The following UCHL3 variants were observed in gnomAD, a reference collection of about 807,000 sequenced individuals.
The protein encoded by UCHL3 is ubiquitin carboxyl-terminal hydrolase isozyme L3.
A neutral mutation model predicts 35.8 loss-of-function variants in UCHL3; 22 were observed. The observed-to-expected ratio is 0.61, with a 90% CI of 0.44 to 0.88. UCHL3 has a LOEUF of 0.88. Ranked by LOEUF, UCHL3 falls within the 40% of genes least tolerant of loss-of-function variation. UCHL3 has a pLI of 0.00. For missense variants in UCHL3, 229 were observed against 276.9 expected, an observed-to-expected ratio of 0.83 and a Z score of 1.23; for synonymous variants, 90 against 92.8, an observed-to-expected ratio of 0.97 and a Z score of 0.17.
chr13:75,582,439 A>G (rs2032213515), intron 6 of UCHL3, among the ~76,000 whole-genome samples: 3 of 152,302 alleles, frequency 2.0e-5, no homozygotes, highest in South Asian at 2.1e-4. Flanking sequence ...CAGTGCCCAC[A>G]TAGTCAGCAG....
chr13:75,585,385 A>G (rs541803780), intron 6 of UCHL3, among the ~76,000 whole-genome samples: 1 of 152,332 alleles, frequency 6.6e-6, no homozygotes, highest in Admixed American at 6.5e-5. Flanking sequence ...TATGCAAGCC[A>G]GAACACATAG....
intron 2 of UCHL3, among the ~76,000 whole-genome samples, chr13:75,550,982 G>A (rs12861774): frequency 0.11 from 16,749 of 152,130 alleles, 1,176 homozygotes; most frequent in Non-Finnish European, 0.16. Context: ...TTTGGTAAAT[G>A]TTTTTTAAAT....
intron 3 of UCHL3, among the ~76,000 whole-genome samples, chr13:75,564,095 T>C (rs1401436818): frequency 6.6e-6 from 1 of 152,138 alleles, no homozygotes; most frequent in African/African-American, 2.4e-5. Flanking sequence ...GGACATTTGG[T>C]TTGTTTCCAT....
intron 6 of UCHL3, among the ~76,000 whole-genome samples, chr13:75,574,189 G>T (rs2031952067): frequency 6.6e-6 from 1 of 151,936 alleles, no homozygotes; most frequent in Non-Finnish European, 1.5e-5. Flanking sequence ...CTGTACTCCA[G>T]CCTGGGCAAC....
intron 6 of UCHL3, among the ~76,000 whole-genome samples, chr13:75,588,296 A>AT (rs1366411473): frequency 9.9e-5 from 15 of 151,914 alleles, no homozygotes; most frequent in African/African-American, 1.9e-4. Context: ...GATTCTTAGA[A>AT]ATTTTTTTCT....
intron 6 of UCHL3, among the ~76,000 whole-genome samples, chr13:75,593,789 T>G (rs901550401): frequency 6.6e-6 from 1 of 152,210 alleles, no homozygotes; most frequent in Non-Finnish European, 1.5e-5. Flanking sequence ...TTAGAAACAT[T>G]CTGTATATCC....
At chr13:75,579,841 T>A (rs2032130238) in intron 6 of UCHL3, among the ~76,000 whole-genome samples, 1 of 152,178 alleles carries the variant, frequency 6.6e-6, no homozygotes. Context: ...TATAAGATTT[T>A]TTTGATTTGT....
At chr13:75,600,596 T>A (rs1228384766) in intron 7 of UCHL3, among the ~76,000 whole-genome samples, 1 of 152,246 alleles carries the variant, frequency 6.6e-6, no homozygotes, top group African/African-American at 2.4e-5. Flanking sequence ...ACTGAATCTC[T>A]TAAGCCCTCT....
rs1311775190 is a variant in UCHL3 at position 75,605,805 on chromosome 13, C to A, written c.686C>A (p.Ala229Glu). The stretch of plus-strand genomic sequence containing the variant: ...AGATTTAATGCGATTGCTCTTTCTG[C>A]AGCATAGCTTGTCAATAATGGAAAC... ...ELRFNAIALS[A>E]A The change falls in exon 9 of 9, where the codon GCA (alanine) becomes GAA (glutamate). Residue 229 changes from alanine (A) to glutamate (E), a missense_variant. Transcript: ENST00000377595. 1 of 1,613,910 alleles carries A rather than the reference C, an allele frequency of 6.2e-7. No individual in the cohort carries two copies. The highest frequency in any genetic ancestry group is 8.5e-7 in the Non-Finnish European group (1 of 1,179,930).
chr13:75,564,057 C>G (rs1157180177), intron 3 of UCHL3, among the ~76,000 whole-genome samples: 1 of 152,062 alleles, frequency 6.6e-6, no homozygotes, highest in Non-Finnish European at 1.5e-5. Context: ...ATAGACTATA[C>G]CATGTTTTTA....
At chr13:75,603,544 A>G (rs1272255842) in intron 7 of UCHL3, among the ~76,000 whole-genome samples, 1 of 152,192 alleles carries the variant, frequency 6.6e-6, no homozygotes, top group Non-Finnish European at 1.5e-5. Context: ...GGAACAGCCT[A>G]CATTGTTTAC....
intron 6 of UCHL3, among the ~76,000 whole-genome samples, chr13:75,575,591 A>G (rs371998140): frequency 3.9e-5 from 6 of 152,304 alleles, no homozygotes; most frequent in African/African-American, 1.4e-4. Flanking sequence ...CCCCTTCTAT[A>G]GATGAGGCAA....
chr13:75,569,220 T>C lies in UCHL3; in HGVS notation c.427-240T>C, dbSNP rs556248616. On this transcript the variant is annotated intron_variant, in intron 5 of 8. Coordinates refer to ENST00000377595, the MANE Select transcript of UCHL3 (RefSeq NM_006002.5). ...TGGCCCCTACTTAGAGCCTGGAAAT[T>C]ACAAATAATCAGATATTCAATTTCC... The C allele has an allele frequency of 2.0e-5, 7 of 355,730 alleles. No individual in the cohort carries two copies. The South Asian group carries it at 5.5e-4, about 28-fold the overall frequency. 22.0% of individuals were successfully genotyped at this position (355,730 alleles called of 1,614,324 possible).
intron 2 of UCHL3, among the ~76,000 whole-genome samples, chr13:75,554,946 T>C (rs888365116): frequency 3.0e-4 from 46 of 152,342 alleles, no homozygotes; most frequent in African/African-American, 9.9e-4. Flanking sequence ...CCTGTCTTTG[T>C]ATCCATGTGT....
intron 6 of UCHL3, among the ~76,000 whole-genome samples, chr13:75,589,590 C>T (rs1457269517): frequency 1.3e-5 from 2 of 151,920 alleles, no homozygotes; most frequent in Non-Finnish European, 2.9e-5. Flanking sequence ...ATTTTATATG[C>T]GTTACATGGT....
chr13:75,598,484 A>G (rs1189353714), intron 7 of UCHL3, among the ~76,000 whole-genome samples: 1 of 152,132 alleles, frequency 6.6e-6, no homozygotes, highest in Non-Finnish European at 1.5e-5. Flanking sequence ...TGAATTTGTC[A>G]TGTTTCTTTG....
At chr13:75,569,335 T>C in intron 5 of UCHL3, 125 bp from the exon 6 acceptor site, 1 of 665,244 alleles carries the variant, frequency 1.5e-6, no homozygotes. Flanking sequence ...TAAGCTTTTC[T>C]TAAATTTCCT....
At chr13:75,572,078 T>G (rs1180402753) in intron 6 of UCHL3, among the ~76,000 whole-genome samples, 2 of 151,888 alleles carry the variant, frequency 1.3e-5, no homozygotes, top group African/African-American at 2.4e-5. Flanking sequence ...TTCTTTAACT[T>G]GTCTTTCTAA....
chr13:75,549,926 C>T (rs963054655), intron 1 of UCHL3, 50 bp from the exon 2 acceptor site: 1 of 1,614,162 alleles, frequency 6.2e-7, no homozygotes, highest in Admixed American at 1.7e-5. Context: ...CTTGCTGCCG[C>T]GAGTCCACGG....
Sources: gnomAD v4.1 joint callset for allele counts (sites outside exome capture counted in the v4.1 genomes callset) on GRCh38, gnomAD v4.1.1 for gene constraint, MANE v1.5 for transcripts, NCBI Gene and HGNC (gene_info 2026-07-23, HGNC 2026-07-21) for gene names.